MALRD1: variants seen among roughly 807,000 people sequenced by gnomAD.
The protein encoded by MALRD1 is MAM and LDL receptor class A domain containing 1, also known as MAM and LDL-receptor class A domain-containing protein 1.
A neutral mutation model predicts 242.1 loss-of-function variants in MALRD1; 247 were observed. The ratio of observed to expected loss-of-function variants is 1.02; its 90% confidence interval spans 0.92 to 1.13. MALRD1 has a LOEUF of 1.13. Ranked by LOEUF, MALRD1 falls within the 50% of genes most tolerant of loss-of-function variation. The pLI is 0.00. For synonymous variants in MALRD1, 995 were observed against 866.6 expected (o/e 1.15, Z -2.60); for missense variants, 2,989 against 2,533.1 (o/e 1.18, Z -3.86).
intron 5 of MALRD1, among the ~76,000 whole-genome samples, chr10:19,117,761 C>T (rs1247641698): frequency 1.3e-5 from 2 of 152,182 alleles, no homozygotes; most frequent in African/African-American, 2.4e-5. Flanking sequence ...ATTCATAAAT[C>T]ATTTCCATAA....
At chr10:19,397,983 C>A (rs1038498804) in intron 28 of MALRD1, among the ~76,000 whole-genome samples, 2 of 151,270 alleles carry the variant, frequency 1.3e-5, no homozygotes, top group African/African-American at 2.4e-5. Flanking sequence ...ATATTAAGGT[C>A]TTTTTCCCAT....
chr10:19,172,201 ATATATG>A (rs572341346), intron 13 of MALRD1, among the ~76,000 whole-genome samples: 22 of 147,066 alleles, frequency 1.5e-4, no homozygotes, highest in African/African-American at 4.9e-4. Flanking sequence ...ATACACATAT[ATATATG>A]TATATGTATA....
At chr10:19,632,900 TG>T (rs2131654202) in intron 36 of MALRD1, among the ~76,000 whole-genome samples, 1 of 152,214 alleles carries the variant, frequency 6.6e-6, no homozygotes, top group East Asian at 1.9e-4. Context: ...TGTGCTCCAT[TG>T]AGGCTATGAA....
intron 18 of MALRD1, among the ~76,000 whole-genome samples, chr10:19,216,119 C>CTTTTTTTTTTTTTTT (rs753559077): frequency 4.1e-5 from 5 of 122,812 alleles, no homozygotes; most frequent in Non-Finnish European, 6.4e-5. Flanking sequence ...TTCTTTCTTT[C>CTTTTTTTTTTTTTTT]TTTTTTTTTT....
At chr10:19,244,413 AT>A (rs1838947599) in intron 18 of MALRD1, among the ~76,000 whole-genome samples, 1 of 152,098 alleles carries the variant, frequency 6.6e-6, no homozygotes, top group Non-Finnish European at 1.5e-5. Flanking sequence ...TTGTACAAAA[AT>A]AAAAATATTA....
At chr10:19,663,840 G>T (rs548114276) in intron 36 of MALRD1, among the ~76,000 whole-genome samples, 1 of 152,088 alleles carries the variant, frequency 6.6e-6, no homozygotes, top group African/African-American at 2.4e-5. Context: ...GGTGGATATG[G>T]TTAAAATGTT....
intron 36 of MALRD1, among the ~76,000 whole-genome samples, chr10:19,654,279 A>T (rs879643570): frequency 6.7e-6 from 1 of 149,060 alleles, no homozygotes; most frequent in South Asian, 2.1e-4. Flanking sequence ...AAACAATTTT[A>T]TCAAAAAAGT....
chr10:19,200,041 C>A (rs529694738), intron 14 of MALRD1, among the ~76,000 whole-genome samples: 1 of 152,026 alleles, frequency 6.6e-6, no homozygotes, highest in Admixed American at 6.6e-5. Context: ...AGTCGGAGAA[C>A]GGCCTGAGCC....
intron 28 of MALRD1, among the ~76,000 whole-genome samples, chr10:19,402,665 T>C (rs1327005217): frequency 6.6e-6 from 1 of 152,194 alleles, no homozygotes. Context: ...AAAATAGTTA[T>C]TCCCTTAAAA....
chr10:19,279,146 CT>C (rs1282698674), intron 19 of MALRD1, among the ~76,000 whole-genome samples: 2 of 152,130 alleles, frequency 1.3e-5, no homozygotes, highest in African/African-American at 4.8e-5. Context: ...GACCCTAGCT[CT>C]TTTTGTAATG....
chr10:19,116,349 A>G (rs537648313), intron 5 of MALRD1, among the ~76,000 whole-genome samples: 1 of 152,232 alleles, frequency 6.6e-6, no homozygotes, highest in African/African-American at 2.4e-5. Context: ...CCTCAAATAT[A>G]CCAATCATCC....
rs1338696404 is a variant in MALRD1 at position 19,693,120 on chromosome 10, A to G, written c.6314+566A>G. ...ATGACAAACCCACAGCCAATATCAT[A>G]CTGAATGGGCAAAAGCTGGAAGCAT... On this transcript the variant is annotated intron_variant, in intron 38 of 39. Transcript: ENST00000454679. Among the ~76,000 whole-genome samples the G allele has an allele frequency of 7.2e-5, 11 of 152,118 alleles. No homozygotes were observed. In the East Asian group the frequency reaches 1.2e-3, roughly 16 times the overall value.
chr10:19,489,949 G>T (rs1422220338), intron 29 of MALRD1, among the ~76,000 whole-genome samples: 1 of 152,122 alleles, frequency 6.6e-6, no homozygotes, highest in Non-Finnish European at 1.5e-5. Context: ...TCAAAAATTT[G>T]CATATGTAGC....
chr10:19,096,324 G>C (rs1002295015), intron 4 of MALRD1, among the ~76,000 whole-genome samples: 2 of 152,160 alleles, frequency 1.3e-5, no homozygotes, highest in Non-Finnish European at 2.9e-5. Flanking sequence ...GAGACAGCAA[G>C]GTTATTCACT....
intron 28 of MALRD1, among the ~76,000 whole-genome samples, chr10:19,438,875 A>G (rs1320454489): frequency 6.6e-6 from 1 of 152,176 alleles, no homozygotes; most frequent in South Asian, 2.1e-4. Flanking sequence ...TGTTTTCCAC[A>G]GGATCTATCC....
chr10:19,342,317 C>A (rs1288394452), intron 24 of MALRD1, among the ~76,000 whole-genome samples: 2 of 152,074 alleles, frequency 1.3e-5, no homozygotes, highest in Non-Finnish European at 2.9e-5. Context: ...TCTAAGGAAG[C>A]ATCTTATAAT....
chr10:19,141,753 A>G (rs541179683), intron 10 of MALRD1, among the ~76,000 whole-genome samples: 1 of 152,156 alleles, frequency 6.6e-6, no homozygotes. Context: ...TTTAAATGCT[A>G]ATATGAATTG....
intron 32 of MALRD1, among the ~76,000 whole-genome samples, chr10:19,534,259 T>C (rs3904899): frequency 0.097 from 14,730 of 152,214 alleles, 2,163 homozygotes; most frequent in African/African-American, 0.32. Flanking sequence ...CTGGGGCAAA[T>C]CTTATTTTCT....
chr10:19,480,709 C>T (rs1436171506), intron 29 of MALRD1, among the ~76,000 whole-genome samples: 2 of 152,174 alleles, frequency 1.3e-5, no homozygotes, highest in African/African-American at 4.8e-5. Flanking sequence ...ACTGAAAATG[C>T]TTCTTGTTGC....
Sources: gnomAD v4.1 joint callset for allele counts (sites outside exome capture counted in the v4.1 genomes callset) on GRCh38, gnomAD v4.1.1 for gene constraint, MANE v1.5 for transcripts, NCBI Gene and HGNC (gene_info 2026-07-23, HGNC 2026-07-21) for gene names.